NAALADL2: variants seen among roughly 807,000 people sequenced by gnomAD.
NAALADL2 encodes inactive N-acetylated-alpha-linked acidic dipeptidase-like protein 2.
Under a neutral mutation model 87.2 loss-of-function variants are expected in NAALADL2, and 76 were observed. That is an observed-to-expected ratio of 0.87 (90% CI 0.72 to 1.05). The LOEUF is 1.05. NAALADL2 is among the 50% of genes least tolerant of loss of function. NAALADL2 has a pLI of 0.00. For synonymous variants in NAALADL2, 354 were observed against 331.0 expected, an observed-to-expected ratio of 1.07 and a Z score of -0.75; for missense variants, 1,089 against 945.8, an observed-to-expected ratio of 1.15 and a Z score of -1.99.
chr3:174,582,694 G>T (rs1716304194), intron 2 of NAALADL2, among the ~76,000 whole-genome samples: 1 of 151,892 alleles, frequency 6.6e-6, no homozygotes, highest in Admixed American at 6.6e-5. Context: ...CAATTCTTCT[G>T]CCTCAGCCTC....
rs184712054 is a variant in NAALADL2 at position 174,992,709 on chromosome 3, G to T, written c.44-104081G>T. On this transcript the variant is annotated intron_variant, in intron 1 of 13. Transcript: ENST00000454872. ...TCTTGGAAAAAAATGATATTAAAGT[G>T]TGGAAATTTATGATAATTTGCTATT... is the stretch of plus-strand genomic sequence containing the variant. 1.8e-3 allele frequency among the ~76,000 whole-genome samples: 274 copies of T among 152,136 alleles called. 9 individuals are homozygous for T. The highest frequency in any genetic ancestry group is 0.016 in the Admixed American group (240 of 15,262).
At chr3:175,008,277 G>A (rs565654802) in intron 1 of NAALADL2, among the ~76,000 whole-genome samples, 315 of 152,124 alleles carry the variant, frequency 2.1e-3, no homozygotes, top group African/African-American at 7.4e-3. Context: ...CTGGCTACTC[G>A]GGAGGCTAAG....
At chr3:174,934,734 C>A (rs1397672513) in intron 1 of NAALADL2, among the ~76,000 whole-genome samples, 2 of 145,624 alleles carry the variant, frequency 1.4e-5, no homozygotes, top group African/African-American at 2.8e-5. Context: ...AGTGCTCAAA[C>A]AACAACAACA....
chr3:174,878,061 T>A (rs1343794286), intron 1 of NAALADL2, among the ~76,000 whole-genome samples: 1 of 152,084 alleles, frequency 6.6e-6, no homozygotes, highest in African/African-American at 2.4e-5. Flanking sequence ...AACAGTGATA[T>A]ACATGGACCT....
intron 2 of NAALADL2, among the ~76,000 whole-genome samples, chr3:175,140,940 A>T (rs1729901175): frequency 6.6e-6 from 1 of 152,140 alleles, no homozygotes. Flanking sequence ...GCAAGGAATT[A>T]TGGGGCAGGT....
chr3:175,650,977 T>C (rs2149787662), intron 11 of NAALADL2, among the ~76,000 whole-genome samples: 1 of 152,304 alleles, frequency 6.6e-6, no homozygotes, highest in East Asian at 1.9e-4. Flanking sequence ...CTCCTCATCT[T>C]TGAAATGTGG....
At chr3:174,502,902 G>A (rs999411130) in intron 1 of NAALADL2, among the ~76,000 whole-genome samples, 1 of 151,782 alleles carries the variant, frequency 6.6e-6, no homozygotes. Flanking sequence ...GGTGGTGCGC[G>A]CCTGTAGTCT....
intron 11 of NAALADL2, among the ~76,000 whole-genome samples, chr3:175,692,235 T>C (rs148228293): frequency 1.2e-3 from 189 of 152,290 alleles, no homozygotes; most frequent in African/African-American, 4.5e-3. Context: ...CTTAAAACTA[T>C]AAATCATGCT....
chr3:174,942,752 T>C (rs1430939310), intron 1 of NAALADL2, among the ~76,000 whole-genome samples: 9 of 152,200 alleles, frequency 5.9e-5, no homozygotes, highest in African/African-American at 2.2e-4. Flanking sequence ...TATTTTTTCC[T>C]TAAATTTTGG....
chr3:175,079,988 T>C (rs923050683), intron 1 of NAALADL2, among the ~76,000 whole-genome samples: 2 of 151,674 alleles, frequency 1.3e-5, no homozygotes, highest in African/African-American at 4.9e-5. Context: ...TTTTTTGAGA[T>C]GGAGTCTCTC....
chr3:175,037,948 C>A (rs958368055), intron 1 of NAALADL2, among the ~76,000 whole-genome samples: 4 of 152,028 alleles, frequency 2.6e-5, no homozygotes, highest in Non-Finnish European at 5.9e-5. Context: ...AGGAAGGGAG[C>A]GTGGATTTAA....
At chr3:174,989,704 A>T (rs1410923991) in intron 1 of NAALADL2, among the ~76,000 whole-genome samples, 1 of 152,200 alleles carries the variant, frequency 6.6e-6, no homozygotes, top group Non-Finnish European at 1.5e-5. Context: ...GCCTGAGTCT[A>T]TAAGCCCTGA....
At chr3:175,086,050 T>G (rs963913933) in intron 1 of NAALADL2, among the ~76,000 whole-genome samples, 2 of 152,206 alleles carry the variant, frequency 1.3e-5, no homozygotes, top group African/African-American at 4.8e-5. Context: ...AGTCTTTCGT[T>G]TTTCATAGAG....
chr3:175,551,922 C>CA (rs11456834), intron 9 of NAALADL2, among the ~76,000 whole-genome samples: 82,869 of 122,504 alleles, frequency 0.68, 27,297 homozygotes, highest in East Asian at 0.85. Context: ...GACTCTGTCT[C>CA]AAAAAAAAAA....
intron 11 of NAALADL2, 95 bp downstream of exon 11, chr3:175,627,481 G>A (rs919756508): frequency 1.1e-4 from 84 of 742,178 alleles, no homozygotes; most frequent in Middle Eastern, 7.8e-4. Context: ...AGAGCAATCC[G>A]TATATTTTCA....
In NAALADL2 at chr3:175,320,413, G is replaced by T. The variant is rs1214541528; in HGVS notation, c.940-3762G>T. Reference sequence around the variant, plus strand: ...ATTTAACGACGGGGGCAGAACAAGGGTTGATCTTTCAGAAGGAGACCCCCA... The same window carrying T: ...ATTTAACGACGGGGGCAGAACAAGGTTTGATCTTTCAGAAGGAGACCCCCA... On this transcript the variant is annotated intron_variant, in intron 4 of 13. Transcript: ENST00000454872. 2.0e-5 allele frequency among the ~76,000 whole-genome samples: 3 copies of T among 152,236 alleles called. No homozygotes were observed. The East Asian group carries it at 5.8e-4, about 29-fold the overall frequency.
At chr3:175,313,994 G>A (rs532948837) in intron 4 of NAALADL2, among the ~76,000 whole-genome samples, 55 of 150,696 alleles carry the variant, frequency 3.6e-4, no homozygotes, top group Non-Finnish European at 7.2e-4. Context: ...CCCGGGAGGC[G>A]GAGGCTGCAG....
At chr3:174,982,283 G>A (rs1745225704) in intron 1 of NAALADL2, among the ~76,000 whole-genome samples, 1 of 152,036 alleles carries the variant, frequency 6.6e-6, no homozygotes, top group Non-Finnish European at 1.5e-5. Context: ...TAGATAGTTG[G>A]GAACACAACA....
In NAALADL2 at chr3:174,996,993, GGTGTGTGTGTGTGTGTGT is replaced by G. The variant is rs34590643; in HGVS notation, c.44-99768_44-99751del. On this transcript the variant is annotated intron_variant, in intron 1 of 13. Coordinates refer to ENST00000454872, the MANE Select transcript of NAALADL2 (RefSeq NM_207015.3). Reference sequence around the variant, plus strand: ...TTTATGGCTGAGTAGTATTCCAAGGGGTGTGTGTGTGTGTGTGTGTGTGTGTGTGTGTGTGTGTGTGTG... The same window carrying G: ...TTTATGGCTGAGTAGTATTCCAAGGGGTGTGTGTGTGTGTGTGTGTGTGTG... 1.4e-4 allele frequency among the ~76,000 whole-genome samples: 17 copies of G among 121,590 alleles called. No individual in the cohort carries two copies. The East Asian group carries it at 2.1e-3, about 15-fold the overall frequency. 79.8% of individuals were successfully genotyped at this position (121,590 alleles called of 152,430 possible).
Sources: allele counts gnomAD v4.1 joint callset (sites outside exome capture counted in the v4.1 genomes callset), GRCh38; gene constraint gnomAD v4.1.1; transcripts MANE v1.5; gene names NCBI Gene and HGNC (gene_info 2026-07-23, HGNC 2026-07-21).